SPHK2: variants seen among roughly 807,000 people sequenced by gnomAD.
The protein encoded by SPHK2 is sphingosine kinase 2.
In SPHK2, 18 loss-of-function variants were observed where a neutral mutation model predicts 32.3. The ratio of observed to expected loss-of-function variants is 0.56; its 90% CI spans 0.39 to 0.83. SPHK2 has a LOEUF of 0.83. Ranked by LOEUF, SPHK2 falls within the 40% of genes least tolerant of loss-of-function variation. SPHK2 has a pLI of 0.00. For missense variants in SPHK2, 850 were observed against 908.7 expected (o/e 0.94, Z 0.83); for synonymous variants, 462 against 417.6 (o/e 1.11, Z -1.30).
chr19:48,626,482 G>C, intron 3 of SPHK2, 120 bp downstream of exon 3: 1 of 1,282,032 alleles, frequency 7.8e-7, no homozygotes, highest in South Asian at 1.6e-5. Context: ...CTCTGGATCC[G>C]TTAGGAGTGA....
Position 48,629,949 on chromosome 19 carries a change from C to T in SPHK2, c.*176C>T. 1 of 1,415,122 alleles carries T rather than the reference C, an allele frequency of 7.1e-7. No individual in the cohort carries two copies. The highest frequency in any genetic ancestry group is 1.6e-5 in the South Asian group (1 of 61,224). 87.7% of individuals were successfully genotyped at this position (1,415,122 alleles called of 1,614,324 possible). A position where few individuals can be genotyped will look rare whatever the true frequency, so the allele number is the denominator to read the frequency against. On this transcript the variant is annotated 3_prime_UTR_variant, in exon 7 of 7. Coordinates refer to ENST00000245222, the MANE Select transcript of SPHK2 (RefSeq NM_020126.5). ...TGATGCTGGAAGGTGGGCGTCGTCA[C>T]GGTTAAAGAGAAATGGGCTCGTCCC...
At chr19:48,625,770 T>A (rs1483320665) in intron 2 of SPHK2, 121 bp from the exon 3 acceptor site, 1 of 1,535,766 alleles carries the variant, frequency 6.5e-7, no homozygotes, top group African/African-American at 1.4e-5. Context: ...TGTCTGTCTC[T>A]GATGCTCCTG....
Position 48,619,528 on chromosome 19 carries a change from G to A in SPHK2, c.-129G>A, listed in dbSNP as rs1974313563. On this transcript the variant is annotated 5_prime_UTR_variant, in exon 1 of 7. Transcript: ENST00000245222. Reference sequence around the variant, plus strand: ...CTCAGTGGCTCCCGGAGGACCCGGCGGGCCCAGTGTTGGAGGTGAGGAGGC... The same window carrying A: ...CTCAGTGGCTCCCGGAGGACCCGGCAGGCCCAGTGTTGGAGGTGAGGAGGC... 2.1e-5 allele frequency: 6 copies of A among 280,832 alleles called. No homozygotes were observed. Among genetic ancestry groups the A allele is most frequent in the East Asian group, 1.6e-4 (2 of 12,326 alleles). 17.4% of individuals were successfully genotyped at this position (280,832 alleles called of 1,614,324 possible). A position where few individuals can be genotyped will look rare whatever the true frequency, so the allele number is the denominator to read the frequency against.
In SPHK2 at chr19:48,629,921, A is replaced by G; in HGVS notation, c.*148A>G. ...ATTGCGCTCGCTTTCATGGGACCAGACGTGATGCTGGAAGGTGGGCGTCGT... is the reference window on the plus strand; with the variant it reads ...ATTGCGCTCGCTTTCATGGGACCAGGCGTGATGCTGGAAGGTGGGCGTCGT... On this transcript the variant is annotated 3_prime_UTR_variant, in exon 7 of 7. Coordinates refer to ENST00000245222, the MANE Select transcript of SPHK2 (RefSeq NM_020126.5). 1 of 1,426,468 alleles carries G rather than the reference A, an allele frequency of 7.0e-7. No individual in the cohort carries two copies. The highest frequency in any genetic ancestry group is 9.1e-7 in the Non-Finnish European group (1 of 1,093,102). The allele number at this position is 1,426,468 out of a possible 1,614,324, so 88.4% of individuals were successfully genotyped here.
chr19:48,622,690 G>A (rs1377717099), intron 2 of SPHK2, among the ~76,000 whole-genome samples: 4 of 150,850 alleles, frequency 2.7e-5, no homozygotes, highest in Non-Finnish European at 5.9e-5. Context: ...TGGTGCTGTT[G>A]CTACTGTGGG....
chr19:48,624,142 G>A (rs894336019), intron 2 of SPHK2: 3 of 152,238 alleles, frequency 2.0e-5, no homozygotes, highest in African/African-American at 2.4e-5. Context: ...CGACAACGGC[G>A]CTGTCTATGG....
Position 48,629,443 on chromosome 19 carries a change from G to A in SPHK2, c.1635G>A (p.Ser545=), listed in dbSNP as rs1371780057. 3.7e-6 allele frequency: 6 copies of A among 1,609,100 alleles called. No homozygotes were observed. The highest frequency in any genetic ancestry group is 3.4e-6 in the Non-Finnish European group (4 of 1,178,712). Residue 545 remains serine (S), a synonymous_variant, in exon 7 of 7, where the codon TCG becomes TCA. Transcript: ENST00000245222. ...ACTTTGTGCTCATGTTGGCCATCTC[G>A]CCCAGCCACCTAGGCGCTGACCTGG... ...EGDFVLMLAI[S]PSHLGADLVA...
chr19:48,627,667 T>C (rs758963331), intron 3 of SPHK2, 25 bp from the exon 4 acceptor site: 8 of 1,548,382 alleles, frequency 5.2e-6, no homozygotes, highest in African/African-American at 1.4e-5. Context: ...CACTGGCCTC[T>C]GCAGACCCTA....
chr19:48,630,262 A>G lies in SPHK2; in HGVS notation c.*489A>G. The stretch of plus-strand genomic sequence containing the variant: ...GGGCAGGTTCCCCGGGGCCGGCGCT[A>G]GGATTTGCACTAATGTTCCTCTCCC... On this transcript the variant is annotated 3_prime_UTR_variant, in exon 7 of 7. Transcript: ENST00000245222. This position sits in a 1 kb window ranked among gnomAD's most constrained non-coding sequence, Gnocchi z 4.9. The G allele has an allele frequency of 7.8e-7, 1 of 1,282,172 alleles. No homozygotes were observed. The highest frequency in any genetic ancestry group is 9.9e-7 in the Non-Finnish European group (1 of 1,015,040). 79.4% of individuals were successfully genotyped at this position (1,282,172 alleles called of 1,614,324 possible).
chr19:48,625,323 G>T, intron 2 of SPHK2: 1 of 1,123,354 alleles, frequency 8.9e-7, no homozygotes, highest in South Asian at 1.9e-5. Flanking sequence ...TCTCCTCTCA[G>T]TGTTTCTCTG....
At chr19:48,625,869 C>T (rs771488192) in intron 2 of SPHK2, 22 bp from the exon 3 acceptor site, 1 of 1,607,914 alleles carries the variant, frequency 6.2e-7, no homozygotes, top group Admixed American at 1.7e-5. Context: ...ATTCTCACCC[C>T]TTCTCTCCTC....
At chr19:48,624,209 C>T (rs147073641) in intron 2 of SPHK2, 1 of 152,394 alleles carries the variant, frequency 6.6e-6, no homozygotes, top group Non-Finnish European at 1.5e-5. Context: ...CGGCCAGTCT[C>T]CCGAAGCGCG....
rs777585462 is a variant in SPHK2 at position 48,629,290 on chromosome 19, C to T, written c.1482C>T (p.Pro494=). 1 of 1,613,606 alleles carries T rather than the reference C, an allele frequency of 6.2e-7. No individual in the cohort carries two copies. The highest frequency in any genetic ancestry group is 8.5e-7 in the Non-Finnish European group (1 of 1,179,976). ...SPVSEGAPVI[P]PSSGLPLPTP... ...TCTCCGAAGGGGCCCCCGTAATTCCCCCATCCTCTGGGCTCCCACTTCCCA... is the reference window on the plus strand; with the variant it reads ...TCTCCGAAGGGGCCCCCGTAATTCCTCCATCCTCTGGGCTCCCACTTCCCA... The change falls in exon 7 of 7, where the codon CCC becomes CCT. Residue 494 remains proline (P), a synonymous_variant. Transcript: ENST00000245222.
At position 48,628,322 on chromosome 19, in the gene SPHK2, G is replaced by A. The variant is rs1431896554; in HGVS notation, c.872+45G>A. ...AAGGGAGGGATGAGCCCCTCCTGGGGTGATAGGGACCCCTATATCTCCCAC... is the reference window on the plus strand; with the variant it reads ...AAGGGAGGGATGAGCCCCTCCTGGGATGATAGGGACCCCTATATCTCCCAC... On this transcript the variant is annotated intron_variant, in intron 6 of 6. Coordinates refer to ENST00000245222, the MANE Select transcript of SPHK2 (RefSeq NM_020126.5). This position sits in a 1 kb window ranked among gnomAD's most constrained non-coding sequence, Gnocchi z 5.2. 1.9e-6 allele frequency: 3 copies of A among 1,556,422 alleles called. No homozygotes were observed. The highest frequency in any genetic ancestry group is 2.2e-5 in the East Asian group (1 of 44,614).
At chr19:48,627,881 C>CT in intron 4 of SPHK2, 40 bp downstream of exon 4, 1 of 1,593,644 alleles carries the variant, frequency 6.3e-7, no homozygotes, top group Non-Finnish European at 8.6e-7. Flanking sequence ...GCTGGGACAG[C>CT]TGAGTCCTAA....
intron 2 of SPHK2, among the ~76,000 whole-genome samples, chr19:48,622,294 ATC>A (rs951388824): frequency 2.0e-5 from 3 of 151,764 alleles, no homozygotes; most frequent in Admixed American, 1.3e-4. Flanking sequence ...AAAGGACTCA[ATC>A]TCTTTCTCTT....
Position 48,628,664 on chromosome 19 carries a change from C to T in SPHK2, c.873-17C>T, listed in dbSNP as rs777865927. ...TGCTCCTTCCTTCTGTGTGTCCGTC[C>T]ATCTCCGGCTGTGAAGATTTGAGCC... On this transcript the variant is annotated splice_polypyrimidine_tract_variant and intron_variant, in intron 6 of 6. Coordinates refer to ENST00000245222, the MANE Select transcript of SPHK2 (RefSeq NM_020126.5). The surrounding 1 kb of genome is among the most constrained non-coding windows in gnomAD (Gnocchi z 5.2). The T allele has an allele frequency of 1.2e-5, 19 of 1,605,172 alleles. No homozygotes were observed. The highest frequency in any genetic ancestry group is 3.3e-4 in the Middle Eastern group (2 of 6,068).
At position 48,622,273 on chromosome 19, in the gene SPHK2, TAA is replaced by T. The variant is rs796524993; in HGVS notation, c.39+1728_39+1729del. 3.0e-3 allele frequency among the ~76,000 whole-genome samples: 290 copies of T among 97,712 alleles called. 3 individuals carry two copies. The East Asian group carries it at 0.044, about 15-fold the overall frequency. The allele number at this position is 97,712 out of a possible 152,430, so 64.1% of individuals were successfully genotyped here. On this transcript the variant is annotated intron_variant, in intron 2 of 6. Transcript: ENST00000245222. ...AACTCCGTCTCAAAAAAAAAAAAAA[TAA>T]AAAAAAATAAAGGACTCAATCTCTT...
intron 2 of SPHK2, 45 bp from the exon 3 acceptor site, chr19:48,625,846 C>T: frequency 6.3e-7 from 1 of 1,593,106 alleles, no homozygotes; most frequent in Non-Finnish European, 8.5e-7. Context: ...CTGCCCCTGC[C>T]ATGGGGTCCT....
Sources: allele counts gnomAD v4.1 joint callset (sites outside exome capture counted in the v4.1 genomes callset), GRCh38; gene constraint gnomAD v4.1.1; non-coding constraint Gnocchi (gnomAD v3.1); transcripts MANE v1.5; gene names NCBI Gene and HGNC (gene_info 2026-07-23, HGNC 2026-07-21).